The following STPG2 variants were observed in gnomAD, a reference collection of about 807,000 sequenced individuals.
The protein encoded by STPG2 is sperm-tail PG-rich repeat-containing protein 2.
In STPG2, 56 loss-of-function variants were observed where a neutral mutation model predicts 54.2. The observed-to-expected ratio is 1.03, with a 90% CI of 0.83 to 1.29. STPG2 has a LOEUF of 1.29. STPG2 is among the 50% of genes most tolerant of loss of function. STPG2 has a pLI of 0.00. For synonymous variants in STPG2, 200 were observed against 181.8 expected, an observed-to-expected ratio of 1.10 and a Z score of -0.81; for missense variants, 596 against 544.9, an observed-to-expected ratio of 1.09 and a Z score of -0.93.
chr4:97,832,483 C>A (rs1244092443), intron 9 of STPG2, among the ~76,000 whole-genome samples: 2 of 152,162 alleles, frequency 1.3e-5, no homozygotes, highest in Non-Finnish European at 2.9e-5. Flanking sequence ...TCTTACCACT[C>A]CTATTCAACA....
At chr4:97,990,953 T>C (rs2149269129) in intron 5 of STPG2, among the ~76,000 whole-genome samples, 1 of 152,280 alleles carries the variant, frequency 6.6e-6, no homozygotes, top group South Asian at 2.1e-4. Flanking sequence ...GAAACAGATG[T>C]TATTTGGTTA....
intron 7 of STPG2, among the ~76,000 whole-genome samples, chr4:97,947,224 T>G (rs1733265382): frequency 6.6e-6 from 1 of 152,184 alleles, no homozygotes; most frequent in South Asian, 2.1e-4. Context: ...TTGCGTACAT[T>G]GATTTTGTAA....
intron 5 of STPG2, among the ~76,000 whole-genome samples, chr4:98,094,554 G>C (rs915525903): frequency 7.2e-5 from 11 of 152,186 alleles, no homozygotes; most frequent in African/African-American, 2.7e-4. Flanking sequence ...CCCGAGTCCA[G>C]GCCTAGGCTC....
At chr4:98,025,436 G>A in intron 5 of STPG2, 1 of 448,906 alleles carries the variant, frequency 2.2e-6, no homozygotes, top group Non-Finnish European at 4.3e-6. Context: ...GAGATACCAA[G>A]TGAAATTTAG....
intron 8 of STPG2, among the ~76,000 whole-genome samples, chr4:97,928,367 T>C (rs1004575780): frequency 6.6e-6 from 1 of 152,202 alleles, no homozygotes; most frequent in Non-Finnish European, 1.5e-5. Context: ...TTGTTTCTTT[T>C]GTGTAGAAGT....
chr4:97,951,152 C>A (rs979659499), intron 7 of STPG2, among the ~76,000 whole-genome samples: 3 of 152,198 alleles, frequency 2.0e-5, no homozygotes, highest in Non-Finnish European at 4.4e-5. Context: ...CCAATCAACA[C>A]TCCTGACTCA....
chr4:97,608,271 T>C (rs1167696184), intron 10 of STPG2, among the ~76,000 whole-genome samples: 1 of 151,924 alleles, frequency 6.6e-6, no homozygotes, highest in Non-Finnish European at 1.5e-5. Context: ...GGCAGAAAAT[T>C]CATGGGCTAG....
At chr4:97,638,274 G>A (rs1478193252) in intron 10 of STPG2, among the ~76,000 whole-genome samples, 2 of 152,138 alleles carry the variant, frequency 1.3e-5, no homozygotes, top group Admixed American at 6.5e-5. Flanking sequence ...ATGGTACTGG[G>A]AAAACTGGCT....
chr4:97,700,789 G>T (rs909418921), intron 10 of STPG2, among the ~76,000 whole-genome samples: 3 of 152,222 alleles, frequency 2.0e-5, no homozygotes, highest in African/African-American at 7.2e-5. Context: ...GCCAGCTGAA[G>T]GCAAATTGCT....
At chr4:98,109,108 C>A in intron 4 of STPG2, 85 bp downstream of exon 4, 2 of 772,528 alleles carry the variant, frequency 2.6e-6, no homozygotes, top group Non-Finnish European at 3.8e-6. Flanking sequence ...TTTTTCCTTT[C>A]TTTACAGCAT....
rs78391378 is a variant in STPG2, at chr4:97,531,800, A to G, written c.462+180899T>C. 1.9e-3 allele frequency among the ~76,000 whole-genome samples: 287 copies of G among 152,338 alleles called. 19 individuals are homozygous for G. The East Asian group carries it at 0.044, about 23-fold the overall frequency. On this transcript the variant is annotated intron_variant, in intron 4 of 4. Coordinates refer to the STPG2 transcript ENST00000522676. Reference sequence around the variant, plus strand: ...GTAATATGTGCTATTTGATAGCACAACAGTGTGACTGTAGTCAGAATAATT... The same window carrying G: ...GTAATATGTGCTATTTGATAGCACAGCAGTGTGACTGTAGTCAGAATAATT...
chr4:97,937,627 C>T (rs945248282), intron 8 of STPG2, among the ~76,000 whole-genome samples: 3 of 152,128 alleles, frequency 2.0e-5, no homozygotes, highest in Non-Finnish European at 4.4e-5. Flanking sequence ...TTTGAATAGT[C>T]AGGTCACTCT....
At chr4:97,775,101 T>C (rs1397069237) in intron 9 of STPG2, among the ~76,000 whole-genome samples, 2 of 152,126 alleles carry the variant, frequency 1.3e-5, no homozygotes, top group East Asian at 3.9e-4. Context: ...CTATTTACCA[T>C]CCTGTTGTGA....
chr4:97,503,551 G>A (rs1164198085), intron 4 of STPG2, among the ~76,000 whole-genome samples: 1 of 151,042 alleles, frequency 6.6e-6, no homozygotes, highest in African/African-American at 2.4e-5. Flanking sequence ...CTCCCAAAGT[G>A]CTGGGATTAC....
chr4:98,019,733 G>A (rs1415581039), intron 5 of STPG2, among the ~76,000 whole-genome samples: 2 of 124,662 alleles, frequency 1.6e-5, no homozygotes, highest in Admixed American at 1.5e-4. Context: ...GGTCCTTCAC[G>A]TCCCTCGTAA....
chr4:97,805,162 A>G (rs1374539833), intron 9 of STPG2, among the ~76,000 whole-genome samples: 1 of 152,180 alleles, frequency 6.6e-6, no homozygotes, highest in Non-Finnish European at 1.5e-5. Flanking sequence ...CCTCAAAACC[A>G]AAAGAACTTC....
intron 7 of STPG2, among the ~76,000 whole-genome samples, chr4:97,954,784 C>A (rs985657065): frequency 6.6e-6 from 1 of 152,030 alleles, no homozygotes; most frequent in African/African-American, 2.4e-5. Flanking sequence ...CATTTAGAAT[C>A]TTTACAATGT....
At chr4:97,648,716 C>T (rs541708516) in intron 10 of STPG2, among the ~76,000 whole-genome samples, 5 of 152,100 alleles carry the variant, frequency 3.3e-5, no homozygotes, top group East Asian at 1.9e-4. Flanking sequence ...TAATGTCTTC[C>T]TTATATGCTG....
chr4:97,925,576 C>A (rs534189677), intron 8 of STPG2, among the ~76,000 whole-genome samples: 1 of 152,046 alleles, frequency 6.6e-6, no homozygotes, highest in South Asian at 2.1e-4. Context: ...AATAAGATAA[C>A]AACAGACCAA....
Sources: gnomAD v4.1 joint callset for allele counts (sites outside exome capture counted in the v4.1 genomes callset) on GRCh38, gnomAD v4.1.1 for gene constraint, MANE v1.5 for transcripts, NCBI Gene and HGNC (gene_info 2026-07-23, HGNC 2026-07-21) for gene names.